RBM6: variants seen among roughly 807,000 people sequenced by gnomAD.
RBM6 encodes the protein RNA binding motif protein 6.
A neutral mutation model predicts 140.4 loss-of-function variants in RBM6; 23 were observed. That is an observed-to-expected ratio of 0.16 (90% CI 0.12 to 0.23). RBM6 has a LOEUF of 0.23. Among genes scored for constraint, RBM6 ranks in the 10% least tolerant of loss-of-function variants. The pLI, the probability that RBM6 is intolerant of heterozygous loss-of-function variation, is 1.00. For synonymous variants in RBM6, 439 were observed against 475.6 expected (o/e 0.92, Z 1.00); for missense variants, 1,139 against 1,386.7 (o/e 0.82, Z 2.84).
chr3:49,991,984 C>T (rs1334694695), intron 5 of RBM6, among the ~76,000 whole-genome samples: 1 of 149,502 alleles, frequency 6.7e-6, no homozygotes, highest in Non-Finnish European at 1.5e-5. Context: ...CAGAGTCTTG[C>T]TCTGTAGCCC....
Position 49,999,504 on chromosome 3 carries a change from G to C in RBM6, c.1548G>C (p.Glu516Asp). The C allele has an allele frequency of 6.2e-7, 1 of 1,612,670 alleles. No individual in the cohort carries two copies. ...TGGAAGATGCCATCGGATGCATGGAGGCCAACCAGGTTGCTTTATACTTCG... is the reference window on the plus strand; with the variant it reads ...TGGAAGATGCCATCGGATGCATGGACGCCAACCAGGTTGCTTTATACTTCG... ...SLLEDAIGCM[E>D]ANQGTLMIQD... Residue 516 changes from glutamate (E) to aspartate (D), a missense_variant, in exon 6 of 21, where the codon GAG (glutamate) becomes GAC (aspartate). Transcript: ENST00000266022.
rs368070832 is a variant in RBM6 at position 49,945,162 on chromosome 3, A to C, written c.-67+4937A>C. Among the ~76,000 whole-genome samples the C allele has an allele frequency of 2.1e-5, 3 of 142,216 alleles. No individual in the cohort carries two copies. The East Asian group carries it at 6.3e-4, about 30-fold the overall frequency. 93.3% of individuals were successfully genotyped at this position (142,216 alleles called of 152,430 possible). ...AGTGCTGGGATTACAGGCGTGAGCC[A>C]CCGCGCCCGGCCAATTTTTTTTTTT... On this transcript the variant is annotated intron_variant, in intron 1 of 20. Transcript: ENST00000266022.
At chr3:50,071,800 TG>T (rs532989328) in intron 19 of RBM6, among the ~76,000 whole-genome samples, 213 of 151,974 alleles carry the variant, frequency 1.4e-3, no homozygotes, top group Non-Finnish European at 2.3e-3. Flanking sequence ...AAAGGAAAAA[TG>T]GGGGCCAGGC....
chr3:50,040,346 T>C (rs1293533442), intron 6 of RBM6, among the ~76,000 whole-genome samples: 1 of 147,992 alleles, frequency 6.8e-6, no homozygotes, highest in Admixed American at 6.9e-5. Flanking sequence ...CTCGGGAGGC[T>C]GAGGCAGGAA....
intron 19 of RBM6, among the ~76,000 whole-genome samples, chr3:50,071,359 C>T (rs3774734): frequency 3.9e-5 from 6 of 152,028 alleles, no homozygotes; most frequent in Non-Finnish European, 7.4e-5. Flanking sequence ...AGGCAGTGGA[C>T]GGTCATGGAA....
intron 1 of RBM6, 35 bp from the exon 2 acceptor site, chr3:49,962,541 C>T (rs2084330477): frequency 9.6e-7 from 1 of 1,037,908 alleles, no homozygotes; most frequent in Non-Finnish European, 1.4e-6. Flanking sequence ...AGTTCACATT[C>T]TAAAGTACTA....
At chr3:50,076,859 G>T in intron 20 of RBM6, 149 bp from the exon 21 acceptor site, 1 of 672,490 alleles carries the variant, frequency 1.5e-6, no homozygotes, top group Non-Finnish European at 2.2e-6. Context: ...ACTCTAGCCC[G>T]GGCGACAGAG....
At chr3:50,075,128 C>A (rs1186967795) in intron 19 of RBM6, 73 bp from the exon 20 acceptor site, 17 of 1,555,384 alleles carry the variant, frequency 1.1e-5, no homozygotes, top group Non-Finnish European at 1.4e-5. Context: ...TGCACTCCAG[C>A]CTGGGCAAAA....
chr3:49,983,044 G>A (rs1204601024), intron 5 of RBM6, among the ~76,000 whole-genome samples: 1 of 151,910 alleles, frequency 6.6e-6, no homozygotes, highest in African/African-American at 2.4e-5. Context: ...AGGGTCTCAC[G>A]CTGTTGCTCA....
chr3:49,953,252 C>T (rs976933791), intron 1 of RBM6, among the ~76,000 whole-genome samples: 1 of 149,854 alleles, frequency 6.7e-6, no homozygotes, highest in African/African-American at 2.5e-5. Flanking sequence ...TGGAGTCTTG[C>T]CCTGTCGCCC....
rs116854135 is a variant in RBM6, at chr3:50,075,925, C to A, written c.3246+595C>A. ...TATCTTGCAATCATAGCATCACCAC[C>A]CACCTTAATTCATCTTGGGTATTTG... On this transcript the variant is annotated intron_variant, in intron 20 of 20. Transcript: ENST00000266022. Among the ~76,000 whole-genome samples, 121 of 152,188 alleles carry A rather than the reference C, an allele frequency of 8.0e-4. 4 individuals carry two copies. In the East Asian group the frequency reaches 0.021, roughly 26 times the overall value.
intron 1 of RBM6, among the ~76,000 whole-genome samples, chr3:49,949,061 C>A (rs903449822): frequency 1.3e-4 from 20 of 151,014 alleles, no homozygotes; most frequent in African/African-American, 4.9e-4. Flanking sequence ...AAATTTCTGA[C>A]CTTGTGATCC....
At chr3:49,984,644 TCG>T (rs1553643654) in intron 5 of RBM6, among the ~76,000 whole-genome samples, 6 of 118,394 alleles carry the variant, frequency 5.1e-5, no homozygotes, top group Non-Finnish European at 1.0e-4. Context: ...TCGCATCGCA[TCG>T]CATCGCATCG....
chr3:50,039,975 A>G (rs1282960332), intron 6 of RBM6, among the ~76,000 whole-genome samples: 5 of 152,100 alleles, frequency 3.3e-5, no homozygotes, highest in African/African-American at 1.2e-4. Context: ...TGTTCTTTCT[A>G]TGTTCCTGGA....
At chr3:49,973,864 G>T (rs1230126747) in intron 4 of RBM6, among the ~76,000 whole-genome samples, 1 of 149,878 alleles carries the variant, frequency 6.7e-6, no homozygotes, top group African/African-American at 2.5e-5. Context: ...GAGATTACAC[G>T]CATGAGCCAC....
intron 6 of RBM6, among the ~76,000 whole-genome samples, chr3:50,029,951 A>G (rs902653901): frequency 4.0e-5 from 6 of 150,748 alleles, no homozygotes; most frequent in African/African-American, 1.5e-4. Context: ...GATCTCTTGA[A>G]CCCAAGAGGT....
intron 4 of RBM6, among the ~76,000 whole-genome samples, chr3:49,973,149 G>A (rs1481700234): frequency 6.6e-6 from 1 of 152,126 alleles, no homozygotes; most frequent in East Asian, 1.9e-4. Flanking sequence ...ATTTTTTTGA[G>A]GCAGCGTCTC....
At chr3:50,049,703 T>C (rs958843466) in intron 7 of RBM6, among the ~76,000 whole-genome samples, 35 of 152,310 alleles carry the variant, frequency 2.3e-4, no homozygotes, top group African/African-American at 8.2e-4. Flanking sequence ...TATGGTGTCA[T>C]TTTAGGAAGA....
chr3:49,946,373 T>C (rs1304041301), intron 1 of RBM6, among the ~76,000 whole-genome samples: 1 of 151,854 alleles, frequency 6.6e-6, no homozygotes, highest in Non-Finnish European at 1.5e-5. Context: ...CCCGAGTAAC[T>C]GGGATTACAG....
Sources: allele counts gnomAD v4.1 joint callset (sites outside exome capture counted in the v4.1 genomes callset), GRCh38; gene constraint gnomAD v4.1.1; transcripts MANE v1.5; gene names NCBI Gene and HGNC (gene_info 2026-07-23, HGNC 2026-07-21).